Variants in ELP1 observed in about 807,000 individuals in gnomAD.
The protein encoded by ELP1 is elongator acetyltransferase complex subunit 1.
ELP1 carries 131 observed loss-of-function variants against 183.2 expected under a neutral mutation model. That is an observed-to-expected ratio of 0.72 (90% confidence interval 0.62 to 0.83). The LOEUF (loss-of-function observed/expected upper bound fraction) is 0.83. ELP1 is among the 40% of genes least tolerant of loss of function. ELP1 has a pLI of 0.00. For synonymous variants in ELP1, 555 were observed against 569.0 expected, an observed-to-expected ratio of 0.98 and a Z score of 0.35; for missense variants, 1,550 against 1,594.9, an observed-to-expected ratio of 0.97 and a Z score of 0.48.
intron 16 of ELP1, 102 bp downstream of exon 16, chr9:108,902,737 T>G (rs892497675): frequency 9.8e-6 from 8 of 817,208 alleles, no homozygotes; most frequent in South Asian, 9.6e-5. Flanking sequence ...AGGCATTTAG[T>G]GGAGACCCAA....
intron 36 of ELP1, among the ~76,000 whole-genome samples, chr9:108,870,969 A>ATTT (rs33952302): frequency 0.09 from 7,493 of 83,466 alleles, 486 homozygotes; most frequent in Non-Finnish European, 0.11. Context: ...TTCATGCACC[A>ATTT]TTTTTTTTTT....
intron 10 of ELP1, among the ~76,000 whole-genome samples, chr9:108,914,379 AAG>A (rs371551771): frequency 0.068 from 8,609 of 125,888 alleles, 391 homozygotes; most frequent in East Asian, 0.13. Flanking sequence ...GCCTGGGGGA[AAG>A]AGAGAGACTC....
chr9:108,900,398 A>C, intron 18 of ELP1, 23 bp from the exon 19 acceptor site: 1 of 1,536,654 alleles, frequency 6.5e-7, no homozygotes, highest in South Asian at 1.1e-5. Context: ...TTAACTAATA[A>C]GCCTTAATTA....
chr9:108,881,699 C>A lies in ELP1; in HGVS notation c.3346+6G>T. 1.3e-6 allele frequency: 2 copies of A among 1,550,532 alleles called. No individual in the cohort carries two copies. Among genetic ancestry groups the A allele is most frequent in the Non-Finnish European group, 1.8e-6 (2 of 1,122,536 alleles). ...TGAGGAATTCTATCTAAAATGGAAC[C>A]CTCACCTTCTAAAATGGAAGGCTTT... On this transcript the variant is annotated splice_donor_region_variant and intron_variant, in intron 31 of 36. Coordinates refer to ENST00000374647, the MANE Select transcript of ELP1 (RefSeq NM_003640.5).
intron 28 of ELP1, 52 bp from the exon 29 acceptor site, chr9:108,889,445 C>G: frequency 4.7e-6 from 7 of 1,498,760 alleles, no homozygotes; most frequent in Non-Finnish European, 6.5e-6. Flanking sequence ...GATACTTTAG[C>G]TCAAGTGCTT....
In ELP1 at chr9:108,869,182, T is replaced by C; in HGVS notation, c.3932A>G (p.Asp1311Gly). The change falls in exon 37 of 37, where the codon GAT becomes GGT. Residue 1311 changes from aspartate (D) to glycine (G), a missense_variant and splice_region_variant. Coordinates refer to ENST00000374647, the MANE Select transcript of ELP1 (RefSeq NM_003640.5). ...QQQKTSVPVL[D>G]AELFIPPKIN... ...CTTTGGTGGTATAAAAAGCTCAGCA[T>C]CTAAAAGCAAGAAAGGAAGGGAAAT... 1.2e-6 allele frequency: 2 copies of C among 1,613,962 alleles called. No homozygotes were observed. The highest frequency in any genetic ancestry group is 1.7e-6 in the Non-Finnish European group (2 of 1,179,836).
At position 108,873,978 on chromosome 9, in the gene ELP1, T is replaced by C. The variant is rs78045040; in HGVS notation, c.3931+917A>G. On this transcript the variant is annotated intron_variant, in intron 36 of 36. Coordinates refer to ENST00000374647, the MANE Select transcript of ELP1 (RefSeq NM_003640.5). ...GGAGCTAGGAATACAGTAGTTACAG[T>C]CTGGATGTATGAGTTTAGCTGGGAT... Among the ~76,000 whole-genome samples the C allele has an allele frequency of 2.5e-3, 384 of 152,248 alleles. 2 individuals carry two copies. The highest frequency in any genetic ancestry group is 8.7e-3 in the African/African-American group (362 of 41,532).
intron 29 of ELP1, among the ~76,000 whole-genome samples, chr9:108,887,846 T>C (rs970973807): frequency 1.3e-5 from 2 of 152,154 alleles, no homozygotes; most frequent in Non-Finnish European, 2.9e-5. Flanking sequence ...CTCTCACATA[T>C]CACTGAGGGG....
intron 8 of ELP1, 86 bp downstream of exon 8, chr9:108,918,725 C>A: frequency 5.4e-6 from 5 of 924,420 alleles, no homozygotes; most frequent in Non-Finnish European, 7.3e-6. Flanking sequence ...TTGTGTTACA[C>A]AAACATCTGT....
At chr9:108,875,931 G>A (rs1827689726) in intron 35 of ELP1, among the ~76,000 whole-genome samples, 1 of 151,992 alleles carries the variant, frequency 6.6e-6, no homozygotes, top group South Asian at 2.1e-4. Flanking sequence ...ACCTTAATGT[G>A]AATATGTGAT....
intron 36 of ELP1, among the ~76,000 whole-genome samples, chr9:108,871,545 G>A (rs558616954): frequency 1.3e-5 from 2 of 152,284 alleles, no homozygotes; most frequent in East Asian, 3.9e-4. Flanking sequence ...CAGGCTCGGG[G>A]GTTAGCAGCT....
intron 8 of ELP1, 118 bp from the exon 9 acceptor site, chr9:108,917,788 T>C: frequency 8.9e-7 from 1 of 1,125,632 alleles, no homozygotes; most frequent in Non-Finnish European, 1.3e-6. Flanking sequence ...AATTAATGAA[T>C]ATCTTTATCC....
At chr9:108,869,965 C>A (rs1827381601) in intron 36 of ELP1, among the ~76,000 whole-genome samples, 1 of 152,128 alleles carries the variant, frequency 6.6e-6, no homozygotes, top group South Asian at 2.1e-4. Flanking sequence ...AGTCAAAAAT[C>A]TGCATATACC....
At position 108,869,025 on chromosome 9, in the gene ELP1, A is replaced by G. The variant is rs149683800; in HGVS notation, c.*90T>C. On this transcript the variant is annotated 3_prime_UTR_variant, in exon 37 of 37. Transcript: ENST00000374647. Reference sequence around the variant, plus strand: ...ATCATTTTACTCTTTCCAGTTCTCAATAGCCAGCCCTCAAAGAGCAAGGGG... The same window carrying G: ...ATCATTTTACTCTTTCCAGTTCTCAGTAGCCAGCCCTCAAAGAGCAAGGGG... 2.7e-6 allele frequency: 3 copies of G among 1,106,498 alleles called. No homozygotes were observed. Among genetic ancestry groups the G allele is most frequent in the East Asian group, 4.7e-5 (2 of 42,630 alleles). The allele number at this position is 1,106,498 out of a possible 1,614,324, so 68.5% of individuals were successfully genotyped here.
chr9:108,897,767 A>ACTC (rs1277353770), intron 22 of ELP1, among the ~76,000 whole-genome samples: 4 of 152,226 alleles, frequency 2.6e-5, no homozygotes, highest in Non-Finnish European at 5.9e-5. Flanking sequence ...ACAGGGACTG[A>ACTC]TTGAAAGGAA....
At chr9:108,914,135 C>A (rs1829336744) in intron 10 of ELP1, among the ~76,000 whole-genome samples, 2 of 151,980 alleles carry the variant, frequency 1.3e-5, no homozygotes, top group African/African-American at 4.8e-5. Flanking sequence ...GGCACGGTGG[C>A]TCACGCCTGT....
intron 35 of ELP1, among the ~76,000 whole-genome samples, chr9:108,876,140 G>A (rs534669923): frequency 6.6e-6 from 1 of 152,150 alleles, no homozygotes; most frequent in Non-Finnish European, 1.5e-5. Flanking sequence ...ACCAGGTGTT[G>A]TGGCATGCGC....
chr9:108,886,365 T>C (rs1828120805), intron 29 of ELP1, among the ~76,000 whole-genome samples: 1 of 152,050 alleles, frequency 6.6e-6, no homozygotes. Context: ...ACCCAAAACA[T>C]GGCAAAGACA....
intron 30 of ELP1, 92 bp from the exon 31 acceptor site, chr9:108,881,857 T>G (rs1241683078): frequency 8.3e-6 from 7 of 839,984 alleles, no homozygotes; most frequent in Non-Finnish European, 1.4e-5. Flanking sequence ...CTTTCAGAGG[T>G]AATCAGAATA....
Sources: gnomAD v4.1 joint callset for allele counts (sites outside exome capture counted in the v4.1 genomes callset) on GRCh38, gnomAD v4.1.1 for gene constraint, MANE v1.5 for transcripts, NCBI Gene and HGNC (gene_info 2026-07-23, HGNC 2026-07-21) for gene names.